The following RBFOX3 variants were observed in gnomAD, a reference collection of about 807,000 sequenced individuals.
RBFOX3 encodes RNA binding protein fox-1 homolog 3.
RBFOX3 carries 17 observed loss-of-function variants against 48.7 expected under a neutral mutation model. That is an observed-to-expected ratio of 0.35 (90% CI 0.24 to 0.52). The LOEUF (loss-of-function observed/expected upper bound fraction) is 0.52. RBFOX3 is among the 20% of genes least tolerant of loss of function. The pLI, the probability that RBFOX3 is intolerant of heterozygous loss-of-function variation, is 0.94. For synonymous variants in RBFOX3, 212 were observed against 209.5 expected (o/e 1.01, Z -0.10); for missense variants, 382 against 497.5 (o/e 0.77, Z 2.21).
Position 79,220,479 on chromosome 17 carries a change from T to C in RBFOX3, c.-34+15287A>G, listed in dbSNP as rs2059595148. 6.6e-6 allele frequency among the ~76,000 whole-genome samples: 1 copy of C among 152,096 alleles called. No homozygotes were observed. The highest frequency in any genetic ancestry group is 2.1e-4 in the South Asian group (1 of 4,820). On this transcript the variant is annotated intron_variant, in intron 4 of 14. Transcript: ENST00000693108. This position sits in a 1 kb window ranked among gnomAD's most constrained non-coding sequence, Gnocchi z 5.9. ...TCCGTGCCTGCTCTCCGCTCGCCCATCGATGGGGTCCTGCCCGGCACTGCC... is the reference window on the plus strand; with the variant it reads ...TCCGTGCCTGCTCTCCGCTCGCCCACCGATGGGGTCCTGCCCGGCACTGCC...
rs1228540205 is a variant in RBFOX3 at position 79,417,294 on chromosome 17, C to T, written c.-175+65160G>A. Among the ~76,000 whole-genome samples, 6 of 152,342 alleles carry T rather than the reference C, an allele frequency of 3.9e-5. No homozygotes were observed. The East Asian group carries it at 7.7e-4, about 20-fold the overall frequency. The stretch of plus-strand genomic sequence containing the variant: ...CCTGGTCAGAGGCAGAATACTCACT[C>T]CTGCTCAGGGGTGCCTCAGCTGAAG... On this transcript the variant is annotated intron_variant, in intron 2 of 14. Coordinates refer to ENST00000693108, the MANE Select transcript of RBFOX3 (RefSeq NM_001350451.2).
intron 2 of RBFOX3, among the ~76,000 whole-genome samples, chr17:79,466,663 CCA>C (rs1331527889): frequency 6.6e-6 from 1 of 151,988 alleles, no homozygotes. Context: ...AATGAAAGTC[CCA>C]CACACACACA....
intron 4 of RBFOX3, among the ~76,000 whole-genome samples, chr17:79,124,784 T>C (rs2147275320): frequency 6.6e-6 from 1 of 152,314 alleles, no homozygotes; most frequent in Non-Finnish European, 1.5e-5. Context: ...GGCCTGGACC[T>C]GTAGCCCTGT....
chr17:79,623,555 G>A, the RBFOX3 span, among the ~76,000 whole-genome samples: 2 of 152,284 alleles, frequency 1.3e-5, no homozygotes, highest in South Asian at 4.1e-4. Context: ...GCTCAGACCT[G>A]TAATCCCAGC....
chr17:79,455,127 A>G (rs56097168), intron 2 of RBFOX3, among the ~76,000 whole-genome samples: 94,544 of 151,540 alleles, frequency 0.62, 29,581 homozygotes, highest in Admixed American at 0.64. Context: ...GCCCGGCAGC[A>G]TCCCCCTCCA....
chr17:79,469,076 C>CAGAT (rs1483383395), intron 2 of RBFOX3, among the ~76,000 whole-genome samples: 1 of 151,928 alleles, frequency 6.6e-6, no homozygotes, highest in African/African-American at 2.4e-5. Flanking sequence ...GACAGACTGA[C>CAGAT]AGATAGATAG....
At chr17:79,288,797 T>C (rs1366101915) in intron 3 of RBFOX3, among the ~76,000 whole-genome samples, 2 of 151,760 alleles carry the variant, frequency 1.3e-5, no homozygotes, top group African/African-American at 4.9e-5. Context: ...CCAATTGATA[T>C]AGCTGACCCC....
In RBFOX3 at chr17:79,191,175, TCTTA is replaced by T. The variant is rs532572376; in HGVS notation, c.-34+44587_-34+44590del. Among the ~76,000 whole-genome samples the T allele has an allele frequency of 1.2e-4, 19 of 152,194 alleles. No individual in the cohort carries two copies. The South Asian group carries it at 3.9e-3, about 32-fold the overall frequency. On this transcript the variant is annotated intron_variant, in intron 4 of 14. Coordinates refer to ENST00000693108, the MANE Select transcript of RBFOX3 (RefSeq NM_001350451.2). ...CCATTTGCCATCAATTTTTAGAAAATCTTACTTAACAGAGAAACCAATATCCCTT... is the reference window on the plus strand; with the variant it reads ...CCATTTGCCATCAATTTTTAGAAAATCTTAACAGAGAAACCAATATCCCTT...
At chr17:79,256,151 C>G (rs554870874) in intron 3 of RBFOX3, among the ~76,000 whole-genome samples, 1 of 152,102 alleles carries the variant, frequency 6.6e-6, no homozygotes, top group East Asian at 2.0e-4. Context: ...TGTGCACCCC[C>G]GCCTTGCTCA....
chr17:79,426,606 C>T (rs1458393934), intron 2 of RBFOX3, among the ~76,000 whole-genome samples: 1 of 152,152 alleles, frequency 6.6e-6, no homozygotes, highest in East Asian at 1.9e-4. Context: ...TTCCCTAGCC[C>T]ACAGCTTGAC....
Position 79,217,090 on chromosome 17 carries a change from G to A in RBFOX3, c.-34+18676C>T, listed in dbSNP as rs1231122417. ...ACCTCCACACCCTTGCTACCAAGGGGAGCCCCTCCCCGCACGGCCAAGCTG... is the reference window on the plus strand; with the variant it reads ...ACCTCCACACCCTTGCTACCAAGGGAAGCCCCTCCCCGCACGGCCAAGCTG... On this transcript the variant is annotated intron_variant, in intron 4 of 14. Transcript: ENST00000693108. Among the ~76,000 whole-genome samples, 6 of 152,286 alleles carry A rather than the reference G, an allele frequency of 3.9e-5. No individual in the cohort carries two copies. The Middle Eastern group carries it at 0.01, about 259-fold the overall frequency.
At chr17:79,433,647 C>G (rs1314976721) in intron 2 of RBFOX3, among the ~76,000 whole-genome samples, 1 of 152,214 alleles carries the variant, frequency 6.6e-6, no homozygotes, top group African/African-American at 2.4e-5. Context: ...CCACGCCCAG[C>G]TGGCTCACAG....
chr17:79,177,148 G>C (rs2050741756), intron 4 of RBFOX3, among the ~76,000 whole-genome samples: 1 of 152,094 alleles, frequency 6.6e-6, no homozygotes, highest in Admixed American at 6.5e-5. Flanking sequence ...GCTGAGCTGG[G>C]TGCCAGGGGT....
rs1713158578 is a variant in RBFOX3 at position 79,199,208 on chromosome 17, T to A, written c.-34+36558A>T. Among the ~76,000 whole-genome samples the A allele has an allele frequency of 6.6e-6, 1 of 152,126 alleles. No homozygotes were observed. The highest frequency in any genetic ancestry group is 1.5e-5 in the Non-Finnish European group (1 of 68,020). The stretch of plus-strand genomic sequence containing the variant: ...ACTCTGGCTGGCTCACTCTGCCTTC[T>A]GAGAATGTAAAGGGCCTTTCGAAAA... On this transcript the variant is annotated intron_variant, in intron 4 of 14. Coordinates refer to ENST00000693108, the MANE Select transcript of RBFOX3 (RefSeq NM_001350451.2). The surrounding 1 kb of genome is among the most constrained non-coding windows in gnomAD (Gnocchi z 5.1).
chr17:79,152,245 A>G (rs2044692958), intron 4 of RBFOX3, among the ~76,000 whole-genome samples: 1 of 152,072 alleles, frequency 6.6e-6, no homozygotes, highest in Non-Finnish European at 1.5e-5. Flanking sequence ...GCTCTCTAGC[A>G]CCTGGGGCCT....
intron 1 of RBFOX3, among the ~76,000 whole-genome samples, chr17:79,595,328 C>A (rs943800721): frequency 6.6e-6 from 1 of 152,214 alleles, no homozygotes; most frequent in Non-Finnish European, 1.5e-5. Context: ...CGTGCCCCAG[C>A]GAAGAACATG....
chr17:79,372,441 A>C (rs2058688819), intron 2 of RBFOX3, among the ~76,000 whole-genome samples: 1 of 109,058 alleles, frequency 9.2e-6, no homozygotes, highest in Admixed American at 1.2e-4. Context: ...ATGACCCCCC[A>C]GTTTTATGTC....
chr17:79,590,064 C>T, intron 1 of RBFOX3, among the ~76,000 whole-genome samples: 1 of 152,178 alleles, frequency 6.6e-6, no homozygotes, highest in East Asian at 1.9e-4. Context: ...GACCGGGAGA[C>T]AAATGCCCCA....
intron 5 of RBFOX3, among the ~76,000 whole-genome samples, chr17:79,113,719 C>A (rs747098956): frequency 1.2e-4 from 18 of 152,352 alleles, no homozygotes; most frequent in Admixed American, 1.0e-3. Context: ...CTCTCACGGG[C>A]AAGCCAGACC....
Sources: gnomAD v4.1 joint callset for allele counts (sites outside exome capture counted in the v4.1 genomes callset) on GRCh38, gnomAD v4.1.1 for gene constraint, Gnocchi (gnomAD v3.1) non-coding constraint, MANE v1.5 for transcripts, NCBI Gene and HGNC (gene_info 2026-07-23, HGNC 2026-07-21) for gene names.